ATG101: variants seen among roughly 807,000 people sequenced by gnomAD.
ATG101 encodes autophagy-related protein 101.
A neutral mutation model predicts 16.7 loss-of-function variants in ATG101; 6 were observed. The ratio of observed to expected loss-of-function variants is 0.36; its 90% CI spans 0.20 to 0.71. ATG101 has a LOEUF of 0.71. ATG101 is among the 30% of genes least tolerant of loss of function. The probability of loss-of-function intolerance (pLI) is 0.57; values close to 1 mark genes in which losing one functional copy is unlikely to be tolerated. For synonymous variants in ATG101, 108 were observed against 118.1 expected, an observed-to-expected ratio of 0.91 and a Z score of 0.56; for missense variants, 200 against 292.5, an observed-to-expected ratio of 0.68 and a Z score of 2.31.
intron 3 of ATG101, among the ~76,000 whole-genome samples, chr12:52,074,766 C>T (rs536281561): frequency 6.6e-6 from 1 of 152,038 alleles, no homozygotes; most frequent in African/African-American, 2.4e-5. Context: ...CAAGACCAGC[C>T]CTGGAAACAT....
rs143921343 is a variant in ATG101 at position 52,073,890 on chromosome 12, TGGGGAGTTCAAGGTAAGGGTGTC to T, written c.252+11_252+33del. On this transcript the variant is annotated splice_donor_variant and splice_donor_5th_base_variant and coding_sequence_variant and intron_variant, in exon 3 of 4. Coordinates refer to ENST00000336854, the MANE Select transcript of ATG101 (RefSeq NM_021934.5). LOFTEE classifies it high-confidence loss of function. ...TGGATCGTGCCCTGCGCAAGGTTGT[TGGGGAGTTCAAGGTAAGGGTGTC>T]GGGGAGTTCAAGGTAAGGGTGTGGC... 0.053 allele frequency: 85,187 copies of T among 1,612,310 alleles called. 2,759 individuals carry two copies. Among genetic ancestry groups the T allele is most frequent in the African/African-American group, 0.13 (9,875 of 74,880 alleles).
At chr12:52,067,846 TCGG>T (rs1939563263), upstream of ATG101, among the ~76,000 whole-genome samples, 1 of 151,764 alleles carries the variant, frequency 6.6e-6, no homozygotes, top group Admixed American at 6.6e-5. Flanking sequence ...TCCACCTGCC[TCGG>T]CCTCCCAAAG....
At chr12:52,065,697 T>C (rs1415502300), upstream of ATG101, among the ~76,000 whole-genome samples, 1 of 151,964 alleles carries the variant, frequency 6.6e-6, no homozygotes, top group African/African-American at 2.4e-5. Context: ...GAAAGGTGAG[T>C]GCCGGAGTAG....
At chr12:52,073,513 G>A in intron 2 of ATG101, 62 bp from the exon 3 acceptor site, 1 of 1,134,020 alleles carries the variant, frequency 8.8e-7, no homozygotes, top group Non-Finnish European at 1.3e-6. Context: ...AGCCTAGAAG[G>A]AAGTGAACAG....
At chr12:52,068,650 A>G (rs755117205), upstream of ATG101, among the ~76,000 whole-genome samples, 4 of 152,016 alleles carry the variant, frequency 2.6e-5, no homozygotes, top group Non-Finnish European at 5.9e-5. Context: ...AGGCACCCCA[A>G]TGGGCCAGAA....
rs754417547 is a variant in ATG101 at position 52,073,895 on chromosome 12, A to G, written c.245A>G (p.Glu82Gly). ...LDRALRKVVG[E>G]FKDALRNSGG... ...CGTGCCCTGCGCAAGGTTGTTGGGG[A>G]GTTCAAGGTAAGGGTGTCGGGGAGT... The change falls in exon 3 of 4, where the codon GAG (glutamate) becomes GGG (glycine). Residue 82 changes from glutamate to glycine, a missense_variant. Glu to Gly is a moderately conservative substitution (Grantham distance 98, BLOSUM62 -2). Transcript: ENST00000336854. 1.4e-6 allele frequency: 2 copies of G among 1,447,574 alleles called. No homozygotes were observed. The highest frequency in any genetic ancestry group is 1.2e-5 in the South Asian group (1 of 82,204). 89.7% of individuals were successfully genotyped at this position (1,447,574 alleles called of 1,614,324 possible).
intron 3 of ATG101, among the ~76,000 whole-genome samples, chr12:52,075,692 G>T (rs944981312): frequency 6.6e-6 from 1 of 152,226 alleles, no homozygotes; most frequent in African/African-American, 2.4e-5. Flanking sequence ...CACCCATGGG[G>T]TGGCAAGGGC....
rs761549404 is a variant in ATG101, at chr12:52,076,935, G to A, written c.402G>A (p.Glu134=). ...VKVHVVALAT[E]QERQICREKV... ...TGCATGTGGTAGCCCTGGCCACGGAGCAGGAGCGGCAGATCTGCCGGGAGA... is the reference window on the plus strand; with the variant it reads ...TGCATGTGGTAGCCCTGGCCACGGAACAGGAGCGGCAGATCTGCCGGGAGA... Residue 134 remains glutamate (E), a synonymous_variant, in exon 4 of 4, where the codon GAG becomes GAA. Transcript: ENST00000336854. The A allele has an allele frequency of 1.9e-6, 3 of 1,614,216 alleles. No homozygotes were observed. In the South Asian group the frequency reaches 3.3e-5, roughly 18 times the overall value.
rs1411711963 is a variant in ATG101, at chr12:52,073,664, C to T, written c.14C>T (p.Ser5Leu). The T allele has an allele frequency of 1.4e-5, 23 of 1,613,102 alleles. No individual in the cohort carries two copies. The highest frequency in any genetic ancestry group is 1.8e-5 in the Non-Finnish European group (21 of 1,179,500). The stretch of plus-strand genomic sequence containing the variant: ...ACTGGGTGCAGGATGAACTGTCGCT[C>T]GGAGGTGCTGGAGGTGTCGGTGGAG... The part of the protein sequence containing the change: MNCR[S>L]EVLEVSVEGR... Residue 5 changes from serine to leucine, a missense_variant, in exon 3 of 4, where the codon TCG becomes TTG. Transcript: ENST00000336854.
Position 52,077,129 on chromosome 12 carries a change from C to T in ATG101, c.596C>T (p.Ala199Val). Residue 199 changes from alanine to valine, a missense_variant, in exon 4 of 4, where the codon GCC becomes GTC. Transcript: ENST00000336854. ...LYKISFQITD[A>V]LGTSVTTTMR... ...AAGATCTCCTTCCAGATCACTGATG[C>T]CCTGGGCACCTCAGTCACCACCACC... 1 of 1,614,178 alleles carries T rather than the reference C, an allele frequency of 6.2e-7. No homozygotes were observed. The highest frequency in any genetic ancestry group is 8.5e-7 in the Non-Finnish European group (1 of 1,180,036).
chr12:52,070,616 G>C (rs940299673), intron 2 of ATG101, 133 bp downstream of exon 2: 1 of 152,392 alleles, frequency 6.6e-6, no homozygotes, highest in Non-Finnish European at 1.5e-5. Context: ...ACTGCTCACT[G>C]TGTGGGGCAG....
upstream of ATG101, among the ~76,000 whole-genome samples, chr12:52,065,649 T>A (rs1405811577): frequency 6.6e-6 from 1 of 152,156 alleles, no homozygotes; most frequent in Non-Finnish European, 1.5e-5. Flanking sequence ...GGACTCAGCC[T>A]TCCTTATGTT....
At chr12:52,070,672 G>C (rs1247390780) in intron 2 of ATG101, 189 bp downstream of exon 2, 1 of 152,392 alleles carries the variant, frequency 6.6e-6, no homozygotes, top group Non-Finnish European at 1.5e-5. Flanking sequence ...CTGTGGGAAG[G>C]AGAATGGGGT....
upstream of ATG101, chr12:52,069,230 G>T (rs914777620): frequency 1.3e-5 from 2 of 152,200 alleles, no homozygotes; most frequent in African/African-American, 4.8e-5. Flanking sequence ...CCTGTTTATA[G>T]AGAGCATCAG....
rs905575055 is a variant in ATG101, at chr12:52,077,441, C to G, written c.*251C>G. Reference sequence around the variant, plus strand: ...GGGTCCCCCTTCTTTCTCCACTGTACAGAAGAGCCACCACTGGGATGGGGA... The same window carrying G: ...GGGTCCCCCTTCTTTCTCCACTGTAGAGAAGAGCCACCACTGGGATGGGGA... On this transcript the variant is annotated 3_prime_UTR_variant, in exon 4 of 4. Transcript: ENST00000336854. 1.2e-4 allele frequency: 61 copies of G among 518,364 alleles called. 1 individual carries two copies. The highest frequency in any genetic ancestry group is 5.2e-4 in the Middle Eastern group (1 of 1,924). The allele number at this position is 518,364 out of a possible 1,614,324, so 32.1% of individuals were successfully genotyped here.
chr12:52,066,248 T>C (rs1436831019), upstream of ATG101, among the ~76,000 whole-genome samples: 1 of 152,194 alleles, frequency 6.6e-6, no homozygotes, highest in Non-Finnish European at 1.5e-5. Context: ...ATGGTGTCAT[T>C]GCAGTCTTGA....
At chr12:52,073,426 C>T (rs964985112) in intron 2 of ATG101, 149 bp from the exon 3 acceptor site, 14 of 559,118 alleles carry the variant, frequency 2.5e-5, no homozygotes, top group African/African-American at 2.4e-4. Flanking sequence ...ACTTTCTGAT[C>T]CTGAGACTTG....
chr12:52,076,392 C>T (rs545018909), intron 3 of ATG101, among the ~76,000 whole-genome samples: 9 of 152,332 alleles, frequency 5.9e-5, no homozygotes, highest in East Asian at 3.9e-4. Flanking sequence ...ATGTGACTCT[C>T]GCAAGTTACC....
chr12:52,069,444 A>T (rs1252529337), upstream of ATG101: 1 of 152,256 alleles, frequency 6.6e-6, no homozygotes. Flanking sequence ...CAACAAACTC[A>T]AGTTTTGCCA....
Sources: gnomAD v4.1 joint callset for allele counts (sites outside exome capture counted in the v4.1 genomes callset) on GRCh38, gnomAD v4.1.1 for gene constraint, MANE v1.5 for transcripts, NCBI Gene and HGNC (gene_info 2026-07-23, HGNC 2026-07-21) for gene names.